SEMA6B: variants seen among roughly 807,000 people sequenced by gnomAD.
SEMA6B encodes the protein semaphorin-6B.
A neutral mutation model predicts 78.6 loss-of-function variants in SEMA6B; 47 were observed. That is an observed-to-expected ratio of 0.60 (90% CI 0.47 to 0.76). The LOEUF is 0.76. SEMA6B is among the 30% of genes least tolerant of loss of function. The probability of loss-of-function intolerance (pLI) is 0.00; values close to 1 mark genes in which losing one functional copy is unlikely to be tolerated. For missense variants in SEMA6B, 1,213 were observed against 1,269.9 expected (o/e 0.96, Z 0.68); for synonymous variants, 632 against 592.2 (o/e 1.07, Z -0.98).
rs535446816 is a variant in SEMA6B, at chr19:4,548,387, C to T, written c.1330G>A (p.Val444Ile). Reference protein sequence around the residue: ...VGAGPWGNQTVVFLGSEAGTV... With the variant: ...VGAGPWGNQTIVFLGSEAGTV... ...CCCGCCTCAGAACCCAGGAAGACAA[C>T]GGTCTGGTTGCCCCAGGGGCCGGCT... Residue 444 changes from valine (V) to isoleucine (I), a missense_variant, in exon 13 of 17, where the codon GTT (valine) becomes ATT (isoleucine). By Grantham distance (29) the Val-to-Ile change is conservative. Coordinates refer to ENST00000586582, the MANE Select transcript of SEMA6B (RefSeq NM_032108.4). 73 of 1,613,750 alleles carry T rather than the reference C, an allele frequency of 4.5e-5. 1 individual carries two copies. Among genetic ancestry groups the T allele is most frequent in the East Asian group, 1.8e-4 (8 of 44,880 alleles).
Position 4,552,764 on chromosome 19 carries a change from G to T in SEMA6B, c.772-125C>A. On this transcript the variant is annotated intron_variant, in intron 9 of 16. Coordinates refer to ENST00000586582, the MANE Select transcript of SEMA6B (RefSeq NM_032108.4). This position sits in a 1 kb window ranked among gnomAD's most constrained non-coding sequence, Gnocchi z 7.4. ...CTGACCCTGGCTCTGGTGGGACCCC[G>T]GCCAGTCACCGTTCCTCTCTGGGCA... 1 of 877,900 alleles carries T rather than the reference G, an allele frequency of 1.1e-6. No homozygotes were observed. The highest frequency in any genetic ancestry group is 1.7e-6 in the Non-Finnish European group (1 of 590,014). 54.4% of individuals were successfully genotyped at this position (877,900 alleles called of 1,614,324 possible).
chr19:4,546,614 CTT>C (rs1568253008), intron 14 of SEMA6B, 145 bp from the exon 15 acceptor site: 11 of 443,782 alleles, frequency 2.5e-5, no homozygotes, highest in Non-Finnish European at 3.9e-6. Flanking sequence ...GAATTTCGCT[CTT>C]GTTGTTTATT....
intron 10 of SEMA6B, among the ~76,000 whole-genome samples, chr19:4,551,559 C>T (rs984547506): frequency 1.3e-5 from 2 of 148,440 alleles, no homozygotes; most frequent in African/African-American, 2.5e-5. Flanking sequence ...TGGCCGGGTG[C>T]GGTGGCTGAC....
chr19:4,550,371 G>GT lies in SEMA6B; in HGVS notation c.1122-100dup, dbSNP rs1182624476. The GT allele has an allele frequency of 1.2e-5, 16 of 1,347,648 alleles. No individual in the cohort carries two copies. The highest frequency in any genetic ancestry group is 4.1e-5 in the Admixed American group (2 of 48,870). 83.5% of individuals were successfully genotyped at this position (1,347,648 alleles called of 1,614,324 possible). A position where few individuals can be genotyped will look rare whatever the true frequency, so the allele number is the denominator to read the frequency against. ...CATTGCTTTGCCCAACGACCCTCAG[G>GT]TTTTTTGTTTGTTTTGTTTTTGAGA... On this transcript the variant is annotated intron_variant, in intron 11 of 16. Coordinates refer to ENST00000586582, the MANE Select transcript of SEMA6B (RefSeq NM_032108.4). The surrounding 1 kb of genome is among the most constrained non-coding windows in gnomAD (Gnocchi z 6.6).
intron 9 of SEMA6B, among the ~76,000 whole-genome samples, chr19:4,553,318 GTGGATGGA>G (rs139153802): frequency 2.0e-5 from 3 of 150,502 alleles, no homozygotes; most frequent in East Asian, 2.0e-4. Flanking sequence ...GGATAAGTGG[GTGGATGGA>G]TGGATGGATG....
intron 15 of SEMA6B, 35 bp from the exon 16 acceptor site, chr19:4,546,309 C>A: frequency 6.2e-7 from 1 of 1,610,484 alleles, no homozygotes. Flanking sequence ...AGCAGAGGCC[C>A]CTCTCACAGT....
At position 4,555,364 on chromosome 19, in the gene SEMA6B, G is replaced by T; in HGVS notation, c.562+110C>A. ...TGAGAGTCTGCCCATGTCACAGCTG[G>T]GACAAGTGGTCGTCCAGCTGCCTTC... On this transcript the variant is annotated intron_variant, in intron 7 of 16. Coordinates refer to ENST00000586582, the MANE Select transcript of SEMA6B (RefSeq NM_032108.4). The surrounding 1 kb of genome is among the most constrained non-coding windows in gnomAD (Gnocchi z 6.1). The T allele has an allele frequency of 1.0e-6, 1 of 987,080 alleles. No individual in the cohort carries two copies. The highest frequency in any genetic ancestry group is 1.5e-6 in the Non-Finnish European group (1 of 661,698). 61.1% of individuals were successfully genotyped at this position (987,080 alleles called of 1,614,324 possible).
chr19:4,552,566 C>A lies in SEMA6B; in HGVS notation c.845G>T (p.Trp282Leu). 1 of 1,612,936 alleles carries A rather than the reference C, an allele frequency of 6.2e-7. No homozygotes were observed. Among genetic ancestry groups the A allele is most frequent in the Non-Finnish European group, 8.5e-7 (1 of 1,179,984 alleles). The change falls in exon 10 of 17, where the codon TGG becomes TTG. Residue 282 changes from tryptophan to leucine, a missense_variant. Coordinates refer to ENST00000586582, the MANE Select transcript of SEMA6B (RefSeq NM_032108.4). This position sits in a 1 kb window ranked among gnomAD's most constrained non-coding sequence, Gnocchi z 7.4. ...GGSPRVLEKQ[W>L]TSFLKARLNC... ...GAGCCGCGCCTTCAGGAAGGACGTC[C>A]ACTGCTTCTCCAGCACGCGGGGGGA...
At position 4,558,047 on chromosome 19, in the gene SEMA6B, C is replaced by T; in HGVS notation, c.224G>A (p.Arg75Lys). Residue 75 changes from arginine to lysine, a missense_variant, in exon 3 of 17, where the codon AGG becomes AAG. Arg to Lys is a conservative substitution (Grantham distance 26). Coordinates refer to ENST00000586582, the MANE Select transcript of SEMA6B (RefSeq NM_032108.4). This position sits in a 1 kb window ranked among gnomAD's most constrained non-coding sequence, Gnocchi z 5.1. ...LNIQRVLRVN[R>K]TLFIGDRDNL... is the part of the protein sequence containing the mutation. ...ATACCTGTCCCCAATGAACAGCGTC[C>T]TGTTGACCCGCAGGACTCGCTGGAT... 6.6e-7 allele frequency: 1 copy of T among 1,505,396 alleles called. No individual in the cohort carries two copies. The highest frequency in any genetic ancestry group is 9.0e-7 in the Non-Finnish European group (1 of 1,116,640). 93.3% of individuals were successfully genotyped at this position (1,505,396 alleles called of 1,614,324 possible). A position where few individuals can be genotyped will look rare whatever the true frequency, so the allele number is the denominator to read the frequency against.
At position 4,546,383 on chromosome 19, in the gene SEMA6B, C is replaced by T. The variant is rs777767520; in HGVS notation, c.1679+9G>A. On this transcript the variant is annotated intron_variant, in intron 15 of 16. Transcript: ENST00000586582. ...CACACCCTCCACCCACCTCCCTCTC[C>T]CGCAGTACCTGGTGCCCGGGCTGAG... 3.2e-6 allele frequency: 5 copies of T among 1,584,812 alleles called. No homozygotes were observed. Among genetic ancestry groups the T allele is most frequent in the African/African-American group, 1.3e-5 (1 of 74,214 alleles).
In SEMA6B at chr19:4,558,043, C is replaced by T. The variant is rs1977519289; in HGVS notation, c.228G>A (p.Thr76=). The change falls in exon 3 of 17, where the codon ACG becomes ACA. Residue 76 remains threonine (T), a synonymous_variant. Coordinates refer to ENST00000586582, the MANE Select transcript of SEMA6B (RefSeq NM_032108.4). This position sits in a 1 kb window ranked among gnomAD's most constrained non-coding sequence, Gnocchi z 5.1. ...NIQRVLRVNR[T]LFIGDRDNLY... ...AGCAATACCTGTCCCCAATGAACAG[C>T]GTCCTGTTGACCCGCAGGACTCGCT... 1 of 1,492,220 alleles carries T rather than the reference C, an allele frequency of 6.7e-7. No homozygotes were observed. The allele number at this position is 1,492,220 out of a possible 1,614,324, so 92.4% of individuals were successfully genotyped here. A position where few individuals can be genotyped will look rare whatever the true frequency, so the allele number is the denominator to read the frequency against.
Position 4,555,905 on chromosome 19 carries a change from TG to T in SEMA6B, c.471+82del. On this transcript the variant is annotated intron_variant, in intron 6 of 16. Coordinates refer to ENST00000586582, the MANE Select transcript of SEMA6B (RefSeq NM_032108.4). The surrounding 1 kb of genome is among the most constrained non-coding windows in gnomAD (Gnocchi z 6.1). ...GCTTCCTGGAGGAGGTGACACGGCC[TG>T]GGGAAAAGCCATGGCCAGCGGAGGT... The T allele has an allele frequency of 9.1e-7, 1 of 1,095,294 alleles. No homozygotes were observed. Among genetic ancestry groups the T allele is most frequent in the Non-Finnish European group, 1.4e-6 (1 of 709,646 alleles). 67.8% of individuals were successfully genotyped at this position (1,095,294 alleles called of 1,614,324 possible). A position where few individuals can be genotyped will look rare whatever the true frequency, so the allele number is the denominator to read the frequency against.
At chr19:4,556,777 G>C (rs1977481336) in intron 5 of SEMA6B, among the ~76,000 whole-genome samples, 174 bp downstream of exon 5, 1 of 144,898 alleles carries the variant, frequency 6.9e-6, no homozygotes, top group Non-Finnish European at 1.5e-5. Context: ...CGTGGCCATG[G>C]CTGTTTGGGG....
At chr19:4,556,834 T>C in intron 5 of SEMA6B, 117 bp downstream of exon 5, 3 of 662,318 alleles carry the variant, frequency 4.5e-6, no homozygotes, top group South Asian at 1.8e-5. Context: ...TGATTGGGGG[T>C]GGGTTGGGGC....
rs1490100588 is a variant in SEMA6B, at chr19:4,543,812, C to G, written c.2456G>C (p.Arg819Pro). ...GCCCGTCGGGGGCGGGCTCCAGGGC[C>G]GCGGGAGGCCATCGGCGGCTGAGGC... Reference protein sequence around the residue: ...DPASAADGLPRPWSPPPTGSL... With the variant: ...DPASAADGLPPPWSPPPTGSL... Residue 819 changes from arginine (R) to proline (P), a missense_variant, in exon 17 of 17, where the codon CGG (arginine) becomes CCG (proline). Arg to Pro is a moderately radical substitution (Grantham distance 103, BLOSUM62 -2). Transcript: ENST00000586582. 1.6e-6 allele frequency: 2 copies of G among 1,217,088 alleles called. No individual in the cohort carries two copies. Among genetic ancestry groups the G allele is most frequent in the Non-Finnish European group, 1.0e-6 (1 of 978,814 alleles). The allele number at this position is 1,217,088 out of a possible 1,614,324, so 75.4% of individuals were successfully genotyped here.
intron 5 of SEMA6B, 132 bp downstream of exon 5, chr19:4,556,819 A>G (rs1213753392): frequency 4.1e-5 from 27 of 654,892 alleles, no homozygotes; most frequent in Middle Eastern, 4.0e-4. Flanking sequence ...GGGCGGGGCC[A>G]GGGCTGATTG....
chr19:4,557,259 T>G, intron 3 of SEMA6B, 36 bp from the exon 4 acceptor site: 1 of 1,503,496 alleles, frequency 6.7e-7, no homozygotes, highest in South Asian at 1.3e-5. Flanking sequence ...AACTGGGGGC[T>G]CCGCCACCCT....
Position 4,558,067 on chromosome 19 carries a change from C to A in SEMA6B, c.204G>T (p.Gln68His). 6.6e-7 allele frequency: 1 copy of A among 1,524,302 alleles called. No individual in the cohort carries two copies. Among genetic ancestry groups the A allele is most frequent in the South Asian group, 1.2e-5 (1 of 80,790 alleles). 94.4% of individuals were successfully genotyped at this position (1,524,302 alleles called of 1,614,324 possible). A position where few individuals can be genotyped will look rare whatever the true frequency, so the allele number is the denominator to read the frequency against. ...PAEGADDLNI[Q>H]RVLRVNRTLF... The stretch of plus-strand genomic sequence containing the variant: ...GCGTCCTGTTGACCCGCAGGACTCG[C>A]TGGATGTTGAGGTCGTCAGCACCTT... The change falls in exon 3 of 17, where the codon CAG becomes CAT. Residue 68 changes from glutamine to histidine, a missense_variant. Transcript: ENST00000586582. The surrounding 1 kb of genome is among the most constrained non-coding windows in gnomAD (Gnocchi z 5.1).
Position 4,555,852 on chromosome 19 carries a change from A to G in SEMA6B, c.471+136T>C, listed in dbSNP as rs1159992389. ...GCTGACTCCTCTTGAGCTCAGGGGG[A>G]GGAGGCAGGGAGAGTATATCCAGGA... On this transcript the variant is annotated intron_variant, in intron 6 of 16. Coordinates refer to ENST00000586582, the MANE Select transcript of SEMA6B (RefSeq NM_032108.4). The surrounding 1 kb of genome is among the most constrained non-coding windows in gnomAD (Gnocchi z 6.1). 6.7e-6 allele frequency: 5 copies of G among 745,238 alleles called. No homozygotes were observed. The highest frequency in any genetic ancestry group is 2.1e-5 in the Admixed American group (1 of 48,176). The allele number at this position is 745,238 out of a possible 1,614,324, so 46.2% of individuals were successfully genotyped here. A position where few individuals can be genotyped will look rare whatever the true frequency, so the allele number is the denominator to read the frequency against.
Sources: allele counts gnomAD v4.1 joint callset (sites outside exome capture counted in the v4.1 genomes callset), GRCh38; gene constraint gnomAD v4.1.1; non-coding constraint Gnocchi (gnomAD v3.1); transcripts MANE v1.5; gene names NCBI Gene and HGNC (gene_info 2026-07-23, HGNC 2026-07-21).